XCR1: variants seen among roughly 807,000 people sequenced by gnomAD.
XCR1 encodes the protein X-C motif chemokine receptor 1.
For synonymous variants in XCR1, 187 were observed against 188.5 expected, an observed-to-expected ratio of 0.99 and a Z score of 0.06; for missense variants, 356 against 424.2, an observed-to-expected ratio of 0.84 and a Z score of 1.41.
intron 5 of XCR1, among the ~76,000 whole-genome samples, chr3:46,043,761 C>CACAA (rs1339926418): frequency 2.8e-5 from 4 of 144,144 alleles, no homozygotes; most frequent in Non-Finnish European, 6.1e-5. Context: ...CACACACACA[C>CACAA]AAGAATGCCT....
Position 46,074,558 on chromosome 3 carries a change from G to A in XCR1, c.-263+93C>T, listed in dbSNP as rs145691608. Among the ~76,000 whole-genome samples, 126 of 151,920 alleles carry A rather than the reference G, an allele frequency of 8.3e-4. 1 individual carries two copies. Among genetic ancestry groups the A allele is most frequent in the Middle Eastern group, 6.8e-3 (2 of 292 alleles). ...TGATAGATACACTAGAAGCCAAGACGTCATCATTATGTAATATATCCATGT... is the reference window on the plus strand; with the variant it reads ...TGATAGATACACTAGAAGCCAAGACATCATCATTATGTAATATATCCATGT... On this transcript the variant is annotated intron_variant, in intron 3 of 5. Transcript: ENST00000683768.
chr3:46,044,971 A>G (rs1697597359), intron 5 of XCR1, among the ~76,000 whole-genome samples: 2 of 152,208 alleles, frequency 1.3e-5, no homozygotes. Flanking sequence ...ATAAAAGCAG[A>G]AGGAACATTT....
At position 46,021,610 on chromosome 3, in the gene XCR1, A is replaced by G. The variant is rs1708153358; in HGVS notation, c.338T>C (p.Leu113Pro). The G allele has an allele frequency of 3.1e-6, 5 of 1,613,340 alleles. No homozygotes were observed. The highest frequency in any genetic ancestry group is 4.2e-6 in the Non-Finnish European group (5 of 1,179,638). Reference protein sequence around the residue: ...KLLNMIFSISLYSSIFFLTIM... With the variant: ...KLLNMIFSISPYSSIFFLTIM... ...GGTCAGGAAGAAGATGCTGCTGTAG[A>G]GGCTGATGGAGAAGATCATATTGAG... Residue 113 changes from leucine to proline, a missense_variant, in exon 2 of 2, where the codon CTC becomes CCC. Transcript: ENST00000309285. This position sits in a 1 kb window ranked among gnomAD's most constrained non-coding sequence, Gnocchi z 4.7.
chr3:46,056,180 C>G (rs1272951277), intron 4 of XCR1, among the ~76,000 whole-genome samples: 1 of 152,160 alleles, frequency 6.6e-6, no homozygotes, highest in Non-Finnish European at 1.5e-5. Context: ...ATATAGGGGT[C>G]AGACTAGCAT....
In XCR1 at chr3:46,047,872, T is replaced by C. The variant is rs148001143; in HGVS notation, c.-32+6048A>G. ...CCGCAATGTCTCCAGTTAACATAGA[T>C]TGTTTTCTAGCCAGTGGGCCAGGAC... is the stretch of plus-strand genomic sequence containing the variant. On this transcript the variant is annotated intron_variant, in intron 5 of 5. Transcript: ENST00000683768. 8.5e-5 allele frequency among the ~76,000 whole-genome samples: 13 copies of C among 152,340 alleles called. No individual in the cohort carries two copies. In the East Asian group the frequency reaches 2.5e-3, roughly 29 times the overall value.
At chr3:46,022,481 A>G (rs1708177576) in intron 1 of XCR1, among the ~76,000 whole-genome samples, 1 of 152,254 alleles carries the variant, frequency 6.6e-6, no homozygotes, top group Non-Finnish European at 1.5e-5. Flanking sequence ...TCTTATTGCT[A>G]CAAAGAGTCT....
At chr3:46,033,127 G>A (rs1000140690) in intron 5 of XCR1, among the ~76,000 whole-genome samples, 1 of 150,762 alleles carries the variant, frequency 6.6e-6, no homozygotes, top group Non-Finnish European at 1.5e-5. Flanking sequence ...GTTTTAAATT[G>A]TAATAAAGTC....
intron 4 of XCR1, among the ~76,000 whole-genome samples, chr3:46,064,776 G>A (rs1048685538): frequency 2.6e-5 from 4 of 152,184 alleles, no homozygotes; most frequent in Admixed American, 1.3e-4. Context: ...AGCACCAAGG[G>A]ACCCCCACTG....
intron 4 of XCR1, among the ~76,000 whole-genome samples, chr3:46,063,273 G>A (rs932860204): frequency 2.0e-5 from 3 of 152,170 alleles, no homozygotes; most frequent in Non-Finnish European, 2.9e-5. Flanking sequence ...ACAATAGTGG[G>A]AAGCTGCTAC....
intron 5 of XCR1, among the ~76,000 whole-genome samples, chr3:46,049,861 G>A (rs1354873308): frequency 1.3e-5 from 2 of 152,148 alleles, no homozygotes; most frequent in Non-Finnish European, 2.9e-5. Context: ...TAGCACCCAC[G>A]AAGTCTGCAA....
At chr3:46,040,030 T>C (rs1559484786) in intron 5 of XCR1, among the ~76,000 whole-genome samples, 1 of 152,216 alleles carries the variant, frequency 6.6e-6, no homozygotes, top group Non-Finnish European at 1.5e-5. Flanking sequence ...TTAACGTTAA[T>C]AATACCCCAT....
At chr3:46,084,989 G>A (rs1405438660) in intron 1 of XCR1, among the ~76,000 whole-genome samples, 2 of 151,946 alleles carry the variant, frequency 1.3e-5, no homozygotes, top group African/African-American at 4.8e-5. Flanking sequence ...TGCAACAAAA[G>A]CTGGATGGAG....
intron 4 of XCR1, among the ~76,000 whole-genome samples, chr3:46,064,948 G>A (rs766478047): frequency 3.3e-5 from 5 of 152,076 alleles, no homozygotes; most frequent in South Asian, 4.2e-4. Context: ...AAGATTAGCC[G>A]GGTGTGGTGG....
At chr3:46,057,362 T>C (rs1205632039) in intron 4 of XCR1, among the ~76,000 whole-genome samples, 1 of 152,120 alleles carries the variant, frequency 6.6e-6, no homozygotes, top group Admixed American at 6.5e-5. Context: ...GAGGGAAAGA[T>C]GGATTATAAA....
exon 3 of XCR1, among the ~76,000 whole-genome samples, chr3:46,074,694 C>T (rs1698228796): frequency 6.6e-6 from 1 of 152,250 alleles, no homozygotes; most frequent in Non-Finnish European, 1.5e-5. Context: ...CTTTCATCCT[C>T]ATTGTCTTCA....
chr3:46,050,919 C>CT (rs1354199535), intron 5 of XCR1, among the ~76,000 whole-genome samples: 2 of 152,142 alleles, frequency 1.3e-5, no homozygotes, highest in African/African-American at 2.4e-5. Flanking sequence ...ATCTTCTGGA[C>CT]TTTTTTTGGA....
chr3:46,042,249 TTATACTC>T lies in XCR1; in HGVS notation c.-32+11664_-32+11670del, dbSNP rs923036469. ...AATATCTCAAATCAACAACCTAACT[TTATACTC>T]TAAGGAACTAGAAAAAGAAGAGCAA... On this transcript the variant is annotated intron_variant, in intron 5 of 5. Coordinates refer to the XCR1 transcript ENST00000683768. Among the ~76,000 whole-genome samples, 75 of 152,160 alleles carry T rather than the reference TTATACTC, an allele frequency of 4.9e-4. 1 individual carries two copies. The highest frequency in any genetic ancestry group is 1.7e-3 in the African/African-American group (71 of 41,492).
chr3:46,069,966 T>C (rs538819594), intron 3 of XCR1, among the ~76,000 whole-genome samples: 32 of 152,134 alleles, frequency 2.1e-4, no homozygotes, highest in African/African-American at 7.7e-4. Flanking sequence ...GCACTGCTTT[T>C]GTTGTATCCC....
intron 5 of XCR1, among the ~76,000 whole-genome samples, chr3:46,045,384 C>T (rs1300758708): frequency 2.0e-5 from 3 of 150,656 alleles, no homozygotes; most frequent in Non-Finnish European, 4.4e-5. Context: ...GAGACTCCAT[C>T]TTGGGAAAAA....
Sources: gnomAD v4.1 joint callset for allele counts (sites outside exome capture counted in the v4.1 genomes callset) on GRCh38, gnomAD v4.1.1 for gene constraint, Gnocchi (gnomAD v3.1) non-coding constraint, MANE v1.5 for transcripts, NCBI Gene and HGNC (gene_info 2026-07-23, HGNC 2026-07-21) for gene names.